STYK1: variants seen among roughly 807,000 people sequenced by gnomAD.
The protein encoded by STYK1 is STY kinase 1, also known as tyrosine-protein kinase STYK1.
STYK1 carries 46 observed loss-of-function variants against 48.1 expected under a neutral mutation model. The ratio of observed to expected loss-of-function variants is 0.96; its 90% CI spans 0.75 to 1.22. STYK1 has a LOEUF of 1.22. Ranked by LOEUF, STYK1 falls within the 50% of genes most tolerant of loss-of-function variation. The pLI is 0.00. For missense variants in STYK1, 527 were observed against 521.1 expected (o/e 1.01, Z -0.11); for synonymous variants, 188 against 189.0 (o/e 0.99, Z 0.04).
chr12:10,641,226 C>T (rs896800598), intron 1 of STYK1, among the ~76,000 whole-genome samples: 1 of 152,192 alleles, frequency 6.6e-6, no homozygotes, highest in Non-Finnish European at 1.5e-5. Flanking sequence ...TATCTCTAAT[C>T]CATCCGTGTC....
At chr12:10,640,999 T>C (rs1237246725) in intron 1 of STYK1, among the ~76,000 whole-genome samples, 1 of 152,248 alleles carries the variant, frequency 6.6e-6, no homozygotes, top group Non-Finnish European at 1.5e-5. Flanking sequence ...ATTTTGTATG[T>C]ACCCAATTCC....
intron 1 of STYK1, among the ~76,000 whole-genome samples, chr12:10,670,573 A>T (rs969022741): frequency 6.6e-6 from 1 of 151,792 alleles, no homozygotes. Context: ...AGGTTGGGGG[A>T]ATTCGAGGGG....
chr12:10,646,540 A>C (rs1947601251), intron 1 of STYK1, among the ~76,000 whole-genome samples: 1 of 152,230 alleles, frequency 6.6e-6, no homozygotes, highest in South Asian at 2.1e-4. Context: ...GAAACAGAGC[A>C]CAAAAGTTTG....
At chr12:10,646,340 G>A (rs1236604064) in intron 1 of STYK1, among the ~76,000 whole-genome samples, 1 of 152,182 alleles carries the variant, frequency 6.6e-6, no homozygotes, top group Non-Finnish European at 1.5e-5. Flanking sequence ...GAAACTTGTT[G>A]GGAACCAGAG....
intron 1 of STYK1, among the ~76,000 whole-genome samples, chr12:10,654,091 T>C (rs188922255): frequency 1.4e-4 from 22 of 152,288 alleles, no homozygotes; most frequent in African/African-American, 5.3e-4. Context: ...CATTATACAC[T>C]AATTATAATG....
At chr12:10,661,283 C>A (rs1947774213) in intron 1 of STYK1, among the ~76,000 whole-genome samples, 1 of 152,140 alleles carries the variant, frequency 6.6e-6, no homozygotes, top group African/African-American at 2.4e-5. Context: ...CCTTGCTACT[C>A]CTCCATATGT....
intron 1 of STYK1, among the ~76,000 whole-genome samples, chr12:10,657,085 C>T (rs947535615): frequency 6.6e-6 from 1 of 152,284 alleles, no homozygotes; most frequent in Non-Finnish European, 1.5e-5. Flanking sequence ...GTCCCCATTG[C>T]CACACTGAGA....
chr12:10,666,148 G>A (rs1173222693), intron 1 of STYK1, among the ~76,000 whole-genome samples: 1 of 152,112 alleles, frequency 6.6e-6, no homozygotes, highest in Non-Finnish European at 1.5e-5. Context: ...TGTAGGTGAG[G>A]GTCAACCAGG....
chr12:10,665,433 G>A (rs1191207361), intron 1 of STYK1, among the ~76,000 whole-genome samples: 3 of 152,190 alleles, frequency 2.0e-5, no homozygotes, highest in Admixed American at 6.5e-5. Flanking sequence ...AAGGCACAGA[G>A]TTCAGACACC....
chr12:10,642,110 T>A (rs1947551774), intron 1 of STYK1, among the ~76,000 whole-genome samples: 1 of 152,172 alleles, frequency 6.6e-6, no homozygotes. Flanking sequence ...TGCCAATCAA[T>A]AAGTACCCTC....
At chr12:10,668,297 T>C (rs1947855795) in intron 1 of STYK1, among the ~76,000 whole-genome samples, 1 of 152,054 alleles carries the variant, frequency 6.6e-6, no homozygotes, top group South Asian at 2.1e-4. Context: ...TCCCCCGGAC[T>C]GAGAGAGGAC....
intron 7 of STYK1, among the ~76,000 whole-genome samples, chr12:10,625,257 A>G (rs12825109): frequency 6.6e-6 from 1 of 151,958 alleles, no homozygotes; most frequent in Non-Finnish European, 1.5e-5. Flanking sequence ...TCGCTCTGTC[A>G]CCCAGGCTGG....
At chr12:10,659,187 C>T (rs966974059) in intron 1 of STYK1, among the ~76,000 whole-genome samples, 1 of 152,158 alleles carries the variant, frequency 6.6e-6, no homozygotes, top group Non-Finnish European at 1.5e-5. Context: ...TTGCTTAAAA[C>T]ATTGCTAATT....
chr12:10,659,089 G>C (rs1412463299), intron 1 of STYK1, among the ~76,000 whole-genome samples: 3 of 152,202 alleles, frequency 2.0e-5, no homozygotes, highest in Non-Finnish European at 2.9e-5. Context: ...CTCACGGAGA[G>C]CTGAAATGTT....
At chr12:10,659,356 T>C (rs1463191835) in intron 1 of STYK1, among the ~76,000 whole-genome samples, 1 of 152,188 alleles carries the variant, frequency 6.6e-6, no homozygotes, top group Non-Finnish European at 1.5e-5. Context: ...ATATAGTTAT[T>C]TGCATAATTG....
intron 8 of STYK1, 81 bp downstream of exon 8, chr12:10,624,570 T>C: frequency 3.2e-6 from 4 of 1,253,676 alleles, no homozygotes; most frequent in South Asian, 2.5e-5. Context: ...GTATACAGAA[T>C]TGGCAACAGA....
At chr12:10,646,019 A>G (rs184939011) in intron 1 of STYK1, among the ~76,000 whole-genome samples, 1 of 152,298 alleles carries the variant, frequency 6.6e-6, no homozygotes, top group African/African-American at 2.4e-5. Flanking sequence ...TGGAACCGTA[A>G]GTCCATTAAA....
At chr12:10,654,848 G>A (rs1947700960) in intron 1 of STYK1, among the ~76,000 whole-genome samples, 1 of 152,164 alleles carries the variant, frequency 6.6e-6, no homozygotes, top group Non-Finnish European at 1.5e-5. Context: ...TGACAGATAT[G>A]GATGACAGGA....
intron 1 of STYK1, among the ~76,000 whole-genome samples, chr12:10,647,370 G>C (rs10732227): frequency 0.98 from 149,831 of 152,366 alleles, 73,713 homozygotes; most frequent in East Asian, 1. Flanking sequence ...GATTTGACTG[G>C]TCTGCTGGAT....
Sources: gnomAD v4.1 joint callset for allele counts (sites outside exome capture counted in the v4.1 genomes callset) on GRCh38, gnomAD v4.1.1 for gene constraint, MANE v1.5 for transcripts, NCBI Gene and HGNC (gene_info 2026-07-23, HGNC 2026-07-21) for gene names.